MIS18A: variants seen among roughly 807,000 people sequenced by gnomAD.
MIS18A encodes the protein MIS18 kinetochore protein A, also known as protein Mis18-alpha.
Under a neutral mutation model 25.0 loss-of-function variants are expected in MIS18A, and 14 were observed. That is an observed-to-expected ratio of 0.56 (90% CI 0.37 to 0.88). MIS18A has a LOEUF of 0.88. Among genes scored for constraint, MIS18A ranks in the 40% least tolerant of loss-of-function variants. MIS18A has a pLI of 0.00. For missense variants in MIS18A, 292 were observed against 290.8 expected (o/e 1.00, Z -0.03); for synonymous variants, 134 against 118.6 (o/e 1.13, Z -0.84).
At chr21:32,226,653 A>G in the MIS18A span, among the ~76,000 whole-genome samples, 1 of 152,332 alleles carries the variant, frequency 6.6e-6, no homozygotes, top group South Asian at 2.1e-4. Context: ...CAGCAATAAC[A>G]GTTGGAGACT....
In MIS18A at chr21:32,269,128, T is replaced by TA; in HGVS notation, c.622-12dup. 1 of 1,545,458 alleles carries TA rather than the reference T, an allele frequency of 6.5e-7. No homozygotes were observed. Among genetic ancestry groups the TA allele is most frequent in the Non-Finnish European group, 8.8e-7 (1 of 1,135,862 alleles). On this transcript the variant is annotated splice_polypyrimidine_tract_variant and intron_variant, in intron 4 of 4. Coordinates refer to ENST00000290130, the MANE Select transcript of MIS18A (RefSeq NM_018944.3). Reference sequence around the variant, plus strand: ...CAAGACATCTTCCATCTATTGAATTTAAAAAATAAAAAAATAAAGAAACAC... The same window carrying TA: ...CAAGACATCTTCCATCTATTGAATTTAAAAAAATAAAAAAATAAAGAAACAC...
chr21:32,272,417 A>G (rs1166488090), intron 2 of MIS18A, among the ~76,000 whole-genome samples: 1 of 152,228 alleles, frequency 6.6e-6, no homozygotes, highest in African/African-American at 2.4e-5. Flanking sequence ...AAGACAACTG[A>G]AGGCAGTCTA....
At chr21:32,246,130 G>A in the MIS18A span, among the ~76,000 whole-genome samples, 1 of 152,180 alleles carries the variant, frequency 6.6e-6, no homozygotes, top group South Asian at 2.1e-4. Context: ...CGAGGGGATG[G>A]TGCCAAACTA....
chr21:32,241,159 C>T, the MIS18A span, among the ~76,000 whole-genome samples: 166 of 152,258 alleles, frequency 1.1e-3, no homozygotes, highest in African/African-American at 3.8e-3. Flanking sequence ...ATGGCACTTA[C>T]TTTTTCATAA....
the MIS18A span, among the ~76,000 whole-genome samples, chr21:32,253,339 T>C: frequency 6.6e-6 from 1 of 152,172 alleles, no homozygotes; most frequent in African/African-American, 2.4e-5. Flanking sequence ...GGATTGTCCC[T>C]TTGGAGCTCA....
the MIS18A span, among the ~76,000 whole-genome samples, chr21:32,262,857 C>T: frequency 6.6e-6 from 1 of 152,148 alleles, no homozygotes; most frequent in East Asian, 1.9e-4. Context: ...CTCTAGGCCC[C>T]AGCACATCCA....
At chr21:32,245,863 A>G in the MIS18A span, among the ~76,000 whole-genome samples, 1 of 152,196 alleles carries the variant, frequency 6.6e-6, no homozygotes, top group Non-Finnish European at 1.5e-5. Flanking sequence ...TTGCATTGTT[A>G]TAAAGAAATA....
At chr21:32,242,344 C>T in the MIS18A span, among the ~76,000 whole-genome samples, 5 of 152,160 alleles carry the variant, frequency 3.3e-5, no homozygotes, top group African/African-American at 1.2e-4. Context: ...GTGCCTGTTT[C>T]CTCATCATAT....
At chr21:32,223,367 T>C in the MIS18A span, among the ~76,000 whole-genome samples, 2 of 151,708 alleles carry the variant, frequency 1.3e-5, no homozygotes, top group East Asian at 3.9e-4. Context: ...ATTAACAAAA[T>C]AGATGGAACG....
chr21:32,158,933 T>G, the MIS18A span, among the ~76,000 whole-genome samples: 1 of 152,240 alleles, frequency 6.6e-6, no homozygotes, highest in African/African-American at 2.4e-5. Flanking sequence ...TTATTTTATT[T>G]TAGGGCAAAA....
chr21:32,186,286 C>T, the MIS18A span, among the ~76,000 whole-genome samples: 1 of 152,200 alleles, frequency 6.6e-6, no homozygotes, highest in East Asian at 1.9e-4. Context: ...TACCAAATAA[C>T]TTTGCCTTGA....
At chr21:32,236,504 T>A in the MIS18A span, among the ~76,000 whole-genome samples, 2 of 152,216 alleles carry the variant, frequency 1.3e-5, no homozygotes. Flanking sequence ...TATTTCTGTC[T>A]TATGTAGAAG....
At chr21:32,232,890 G>T in the MIS18A span, among the ~76,000 whole-genome samples, 1 of 152,122 alleles carries the variant, frequency 6.6e-6, no homozygotes, top group African/African-American at 2.4e-5. Context: ...CTTGCTAAGA[G>T]AGTAGATTTT....
At chr21:32,271,877 C>T (rs2031720998) in intron 2 of MIS18A, among the ~76,000 whole-genome samples, 1 of 152,204 alleles carries the variant, frequency 6.6e-6, no homozygotes, top group Non-Finnish European at 1.5e-5. Flanking sequence ...CACACCATTA[C>T]CAAGACTGCA....
chr21:32,187,251 T>A, the MIS18A span, among the ~76,000 whole-genome samples: 1 of 152,214 alleles, frequency 6.6e-6, no homozygotes, highest in African/African-American at 2.4e-5. Context: ...TGGTGTTGAA[T>A]TCTTATTTAC....
chr21:32,207,803 G>A, the MIS18A span, among the ~76,000 whole-genome samples: 2,683 of 152,202 alleles, frequency 0.018, 79 homozygotes, highest in African/African-American at 0.06. Flanking sequence ...ACAAGGCTGC[G>A]CTTTCAAAAA....
intron 1 of MIS18A, among the ~76,000 whole-genome samples, chr21:32,277,683 A>G (rs932443674): frequency 9.9e-5 from 15 of 152,108 alleles, no homozygotes; most frequent in Non-Finnish European, 1.2e-4. Context: ...GGTTTCATTC[A>G]CCATGTTGGC....
chr21:32,251,730 A>G, the MIS18A span, among the ~76,000 whole-genome samples: 1 of 152,232 alleles, frequency 6.6e-6, no homozygotes, highest in Non-Finnish European at 1.5e-5. Context: ...GCAACCAAAA[A>G]GTTAGATATT....
chr21:32,278,999 A>C lies in MIS18A; in HGVS notation c.16T>G (p.Ser6Ala), dbSNP rs762286988. The C allele has an allele frequency of 1.4e-5, 23 of 1,599,332 alleles. 1 individual carries two copies. The South Asian group carries it at 2.1e-4, about 15-fold the overall frequency. MAGVR[S>A]LRCSRGCAGG... ...GCGCATCCTCTGCTACACCTCAGTG[A>C]CCGAACGCCTGCCATTACCTACAAA... Residue 6 changes from serine (S) to alanine (A), a missense_variant, in exon 1 of 5, where the codon TCA (serine) becomes GCA (alanine). Ser to Ala is a moderately conservative substitution (Grantham distance 99, BLOSUM62 1). Coordinates refer to ENST00000290130, the MANE Select transcript of MIS18A (RefSeq NM_018944.3).
Sources: gnomAD v4.1 joint callset for allele counts (sites outside exome capture counted in the v4.1 genomes callset) on GRCh38, gnomAD v4.1.1 for gene constraint, MANE v1.5 for transcripts, NCBI Gene and HGNC (gene_info 2026-07-23, HGNC 2026-07-21) for gene names.